The following NFASC variants were observed in gnomAD, a reference collection of about 807,000 sequenced individuals.
NFASC encodes the protein neurofascin homolog.
NFASC carries 43 observed loss-of-function variants against 147.5 expected under a neutral mutation model. The ratio of observed to expected loss-of-function variants is 0.29; its 90% CI spans 0.23 to 0.38. The LOEUF is 0.38. Among genes scored for constraint, NFASC ranks in the 10% least tolerant of loss-of-function variants. NFASC has a pLI of 1.00. For missense variants in NFASC, 1,320 were observed against 1,689.0 expected (o/e 0.78, Z 3.83); for synonymous variants, 622 against 665.5 (o/e 0.93, Z 1.01).
chr1:204,982,720 T>C (rs1296172533), intron 21 of NFASC, among the ~76,000 whole-genome samples: 3 of 152,232 alleles, frequency 2.0e-5, no homozygotes, highest in Non-Finnish European at 1.5e-5. Flanking sequence ...TGTAGGCTGC[T>C]AAACAAAGCA....
chr1:204,943,129 A>G (rs2093475694), intron 2 of NFASC, among the ~76,000 whole-genome samples: 1 of 152,204 alleles, frequency 6.6e-6, no homozygotes, highest in African/African-American at 2.4e-5. Flanking sequence ...GGTAGCTATG[A>G]ATCTAGGAAA....
intron 26 of NFASC, 103 bp downstream of exon 26, chr1:205,001,389 CAG>C (rs1349540807): frequency 1.4e-6 from 1 of 717,294 alleles, no homozygotes; most frequent in Non-Finnish European, 2.5e-6. Context: ...CCCCCAGGCT[CAG>C]AGAGGCCTTT....
At chr1:205,009,972 C>T in intron 28 of NFASC, 2 of 436,358 alleles carry the variant, frequency 4.6e-6, no homozygotes, top group South Asian at 3.2e-5. Context: ...CCCCTTGACT[C>T]ACCACCCATC....
At chr1:204,928,158 C>A (rs906597305) in intron 2 of NFASC, among the ~76,000 whole-genome samples, 1 of 152,296 alleles carries the variant, frequency 6.6e-6, no homozygotes, top group South Asian at 2.1e-4. Flanking sequence ...CTGAATACAT[C>A]CACTCACAGA....
At chr1:204,929,483 C>T (rs993369520) in intron 2 of NFASC, 2 of 152,472 alleles carry the variant, frequency 1.3e-5, no homozygotes, top group African/African-American at 2.4e-5. Context: ...TGGGGGAGGC[C>T]GAGGTCCTGA....
At chr1:204,989,097 G>A in intron 23 of NFASC, 1 of 454,572 alleles carries the variant, frequency 2.2e-6, no homozygotes. Context: ...GAATAAGGAA[G>A]AGAGCATGAG....
intron 2 of NFASC, among the ~76,000 whole-genome samples, chr1:204,930,725 C>T (rs960764844): frequency 6.6e-5 from 10 of 152,274 alleles, no homozygotes; most frequent in African/African-American, 2.4e-4. Flanking sequence ...GAGGGGTGGC[C>T]CACTTAGGGC....
intron 29 of NFASC, among the ~76,000 whole-genome samples, chr1:205,014,159 G>A (rs765524122): frequency 2.0e-5 from 3 of 152,176 alleles, no homozygotes; most frequent in East Asian, 1.9e-4. Flanking sequence ...CCTGTACTGC[G>A]AGGAGTTGCT....
chr1:204,881,119 G>A (rs1271621452), intron 1 of NFASC, among the ~76,000 whole-genome samples: 1 of 152,354 alleles, frequency 6.6e-6, no homozygotes, highest in Non-Finnish European at 1.5e-5. Flanking sequence ...CAGTGATGCA[G>A]GGTAGTGTCG....
intron 1 of NFASC, among the ~76,000 whole-genome samples, chr1:204,890,316 C>T (rs149271616): frequency 3.9e-5 from 6 of 152,298 alleles, no homozygotes; most frequent in Admixed American, 2.0e-4. Context: ...CATGCCTGCC[C>T]AGAGCCCCCA....
chr1:204,929,253 C>A (rs1041547433), intron 2 of NFASC, among the ~76,000 whole-genome samples: 1 of 152,194 alleles, frequency 6.6e-6, no homozygotes, highest in Non-Finnish European at 1.5e-5. Flanking sequence ...CAGCCCCTCA[C>A]TCCTCCCAGA....
At chr1:204,936,877 G>C (rs992089776) in intron 2 of NFASC, among the ~76,000 whole-genome samples, 1 of 152,188 alleles carries the variant, frequency 6.6e-6, no homozygotes, top group Non-Finnish European at 1.5e-5. Flanking sequence ...CTCTCTCTCT[G>C]ACTGTGACTT....
At position 205,001,201 on chromosome 1, in the gene NFASC, G is replaced by A. The variant is rs765463710; in HGVS notation, c.3051G>A (p.Thr1017=). 21 of 1,611,948 alleles carry A rather than the reference G, an allele frequency of 1.3e-5. No individual in the cohort carries two copies. Among genetic ancestry groups the A allele is most frequent in the East Asian group, 6.7e-5 (3 of 44,830 alleles). ...ATGAGCAGTCCATATGGAACGTCAC[G>A]GTGCTCCCCAACAGTAAATGGGCCA... ...APDEQSIWNV[T]VLPNSKWANI... The change falls in exon 26 of 30, where the codon ACG becomes ACA. Residue 1017 remains threonine (T), a synonymous_variant. Coordinates refer to ENST00000339876, the MANE Select transcript of NFASC (RefSeq NM_001005388.3).
At chr1:204,980,243 C>T (rs1456394164) in intron 19 of NFASC, 127 bp from the exon 20 acceptor site, 6 of 738,352 alleles carry the variant, frequency 8.1e-6, no homozygotes, top group African/African-American at 1.7e-5. Flanking sequence ...CCAGACCAAG[C>T]GTATACATAG....
intron 1 of NFASC, among the ~76,000 whole-genome samples, chr1:204,866,251 C>T (rs1274526248): frequency 6.6e-6 from 1 of 152,168 alleles, no homozygotes; most frequent in East Asian, 1.9e-4. Context: ...CTCAGCCCAC[C>T]TGAGAGAATC....
At chr1:205,003,535 C>G (rs1487596963) in intron 27 of NFASC, among the ~76,000 whole-genome samples, 1 of 152,166 alleles carries the variant, frequency 6.6e-6, no homozygotes, top group Non-Finnish European at 1.5e-5. Flanking sequence ...GTGAGTGTAG[C>G]TTTAAACTCA....
intron 1 of NFASC, among the ~76,000 whole-genome samples, chr1:204,887,644 A>G (rs2081574197): frequency 8.5e-6 from 1 of 118,078 alleles, no homozygotes; most frequent in Admixed American, 1.3e-4. Flanking sequence ...TGTTGCTGTC[A>G]CCCAGGCTGG....
At position 204,952,117 on chromosome 1, in the gene NFASC, G is replaced by A. The variant is rs1348927418; in HGVS notation, c.215+1G>A. The A allele has an allele frequency of 6.2e-7, 1 of 1,609,506 alleles. No individual in the cohort carries two copies. The highest frequency in any genetic ancestry group is 1.3e-5 in the African/African-American group (1 of 74,842). On this transcript the variant is annotated splice_donor_variant, in intron 5 of 29. Transcript: ENST00000339876. LOFTEE classifies it high-confidence loss of function. ...AAGCAAAAGGGAACCCTGCCCCCAG[G>A]TGAGTGAAGGGGAAAAAGAGTGCAT...
At chr1:204,985,369 T>A (rs2095595283) in intron 21 of NFASC, among the ~76,000 whole-genome samples, 1 of 152,206 alleles carries the variant, frequency 6.6e-6, no homozygotes, top group Non-Finnish European at 1.5e-5. Context: ...TCCAACAATA[T>A]GAAAAGAAGT....
Sources: allele counts gnomAD v4.1 joint callset (sites outside exome capture counted in the v4.1 genomes callset), GRCh38; gene constraint gnomAD v4.1.1; transcripts MANE v1.5; gene names NCBI Gene and HGNC (gene_info 2026-07-23, HGNC 2026-07-21).